Variants in PLCE1 observed in about 807,000 individuals in gnomAD.
PLCE1 encodes the protein phospholipase C epsilon 1.
A neutral mutation model predicts 242.8 loss-of-function variants in PLCE1; 119 were observed. The observed-to-expected ratio is 0.49, with a 90% CI of 0.42 to 0.57. PLCE1 has a LOEUF of 0.57. Ranked by LOEUF, PLCE1 falls within the 20% of genes least tolerant of loss-of-function variation. PLCE1 has a pLI of 0.00. For synonymous variants in PLCE1, 945 were observed against 1,017.4 expected, an observed-to-expected ratio of 0.93 and a Z score of 1.35; for missense variants, 2,441 against 2,788.8, an observed-to-expected ratio of 0.88 and a Z score of 2.81.
chr10:94,227,785 T>C (rs1395864315), intron 5 of PLCE1, among the ~76,000 whole-genome samples: 1 of 152,214 alleles, frequency 6.6e-6, no homozygotes, highest in Non-Finnish European at 1.5e-5. Context: ...CACTGTTATC[T>C]GTCTCTTTTC....
intron 2 of PLCE1, among the ~76,000 whole-genome samples, chr10:94,127,617 T>G (rs959689676): frequency 6.6e-6 from 1 of 152,194 alleles, no homozygotes; most frequent in Non-Finnish European, 1.5e-5. Flanking sequence ...GCGGCCATTT[T>G]TGTAGCCTGC....
chr10:94,273,732 T>C lies in PLCE1; in HGVS notation c.4665+12T>C. The C allele has an allele frequency of 6.2e-7, 1 of 1,612,528 alleles. No homozygotes were observed. On this transcript the variant is annotated intron_variant, in intron 19 of 32. Coordinates refer to ENST00000371380, the MANE Select transcript of PLCE1 (RefSeq NM_016341.4). ...TCTTAAAGCAAAAGGTACTCCCCTC[T>C]GTTAAACCAGTTATGAAAAGGCAGT...
At chr10:94,321,770 C>G in intron 29 of PLCE1, 131 bp from the exon 30 acceptor site, 1 of 670,484 alleles carries the variant, frequency 1.5e-6, no homozygotes, top group Non-Finnish European at 2.6e-6. Flanking sequence ...GAAATAATAA[C>G]ATAGTATATG....
At chr10:94,292,444 G>T (rs1353724183) in intron 22 of PLCE1, among the ~76,000 whole-genome samples, 11 of 152,316 alleles carry the variant, frequency 7.2e-5, no homozygotes, top group Admixed American at 7.2e-4. Flanking sequence ...AAAATCCGAA[G>T]AAATCTGAAA....
rs373215088 is a variant in PLCE1 at position 94,031,710 on chromosome 10, G to C, written c.664G>C (p.Gly222Arg). The C allele has an allele frequency of 8.2e-4, 1,329 of 1,613,804 alleles. 25 individuals are homozygous for C. The South Asian group carries it at 0.014, about 17-fold the overall frequency. The change falls in exon 2 of 33, where the codon GGT becomes CGT. Residue 222 changes from glycine (G) to arginine (R), a missense_variant. Coordinates refer to ENST00000371380, the MANE Select transcript of PLCE1 (RefSeq NM_016341.4). ...TGGAAATTGTGTACCACTACCTGGG[G>C]GTGAGGAGAAGCAAAAGAAAAACTA... ...DCGNCVPLPG[G>R]EEKQKKNYVA...
At chr10:94,241,891 TC>T (rs2050518109) in intron 7 of PLCE1, among the ~76,000 whole-genome samples, 1 of 152,118 alleles carries the variant, frequency 6.6e-6, no homozygotes, top group African/African-American at 2.4e-5. Context: ...GAATTGGTCT[TC>T]CTATATTTAA....
At position 94,314,009 on chromosome 10, in the gene PLCE1, G is replaced by A. The variant is rs570797360; in HGVS notation, c.6132+627G>A. On this transcript the variant is annotated intron_variant, in intron 28 of 32. Transcript: ENST00000371380. ...GAGACCCTGAGACCTGTTACCCCAA[G>A]CCCTGTAGCAGAACTGGCCTAAGTC... Among the ~76,000 whole-genome samples the A allele has an allele frequency of 3.9e-5, 6 of 152,218 alleles. No individual in the cohort carries two copies. The South Asian group carries it at 1.2e-3, about 32-fold the overall frequency.
At chr10:94,229,921 G>A (rs77992765) in intron 5 of PLCE1, among the ~76,000 whole-genome samples, 3,117 of 152,280 alleles carry the variant, frequency 0.02, 108 homozygotes, top group African/African-American at 0.071. Flanking sequence ...TCTGTACACA[G>A]GAGATAAGTG....
intron 4 of PLCE1, among the ~76,000 whole-genome samples, chr10:94,188,998 TAAAAAAAAAAA>T (rs904632569): frequency 3.1e-4 from 23 of 73,824 alleles, no homozygotes; most frequent in Non-Finnish European, 1.8e-4. Flanking sequence ...TAGGAGAAAG[TAAAAAAAAAAA>T]AAAAAAAAAA....
intron 4 of PLCE1, among the ~76,000 whole-genome samples, chr10:94,188,245 A>C (rs1280987068): frequency 6.6e-6 from 1 of 152,238 alleles, no homozygotes. Flanking sequence ...AGAGAATAAA[A>C]AACCTGTATA....
intron 1 of PLCE1, among the ~76,000 whole-genome samples, chr10:94,013,204 G>A (rs1445230703): frequency 6.6e-6 from 1 of 152,160 alleles, no homozygotes; most frequent in Non-Finnish European, 1.5e-5. Flanking sequence ...TCTCTGAGAG[G>A]CCTCACCTTG....
intron 1 of PLCE1, among the ~76,000 whole-genome samples, chr10:94,029,766 G>T (rs2061520383): frequency 6.6e-6 from 1 of 152,126 alleles, no homozygotes; most frequent in Admixed American, 6.5e-5. Flanking sequence ...GGGGAAGAAA[G>T]ACATCTATTT....
Position 94,298,754 on chromosome 10 carries a change from G to T in PLCE1, c.5458+85G>T. 3.6e-6 allele frequency: 5 copies of T among 1,378,056 alleles called. No homozygotes were observed. Among genetic ancestry groups the T allele is most frequent in the Non-Finnish European group, 5.2e-6 (5 of 968,510 alleles). 85.4% of individuals were successfully genotyped at this position (1,378,056 alleles called of 1,614,324 possible). A position where few individuals can be genotyped will look rare whatever the true frequency, so the allele number is the denominator to read the frequency against. On this transcript the variant is annotated intron_variant, in intron 24 of 32. Transcript: ENST00000371380. The surrounding 1 kb of genome is among the most constrained non-coding windows in gnomAD (Gnocchi z 5.2). ...TGACAGCATTTTTTCAAAGGGGCAA[G>T]ATTCCAGACTGGGGCACACCATATG...
intron 2 of PLCE1, chr10:94,089,242 G>A: frequency 6.2e-7 from 1 of 1,614,060 alleles, no homozygotes; most frequent in Non-Finnish European, 8.5e-7. Context: ...CCAGGAGAGG[G>A]AAGCAGGCTG....
chr10:94,072,690 G>A (rs2044395358), intron 2 of PLCE1, among the ~76,000 whole-genome samples: 1 of 152,100 alleles, frequency 6.6e-6, no homozygotes, highest in Non-Finnish European at 1.5e-5. Flanking sequence ...AAATAGACCA[G>A]TTTATTTTCA....
chr10:94,133,930 A>G (rs906570569), intron 3 of PLCE1, among the ~76,000 whole-genome samples: 34 of 152,036 alleles, frequency 2.2e-4, no homozygotes, highest in African/African-American at 8.2e-4. Context: ...TGTGGCACCT[A>G]GAGAGTACCA....
At chr10:94,321,326 A>G (rs2133863412) in intron 29 of PLCE1, among the ~76,000 whole-genome samples, 1 of 152,346 alleles carries the variant, frequency 6.6e-6, no homozygotes, top group South Asian at 2.1e-4. Context: ...CCTACAGTCA[A>G]CTTGGACTCT....
At chr10:94,017,849 A>T (rs560680734) in intron 1 of PLCE1, among the ~76,000 whole-genome samples, 1 of 152,282 alleles carries the variant, frequency 6.6e-6, no homozygotes, top group South Asian at 2.1e-4. Flanking sequence ...ATATGAGGGG[A>T]TCATCAGACA....
chr10:94,210,701 C>G (rs1162404731), intron 4 of PLCE1, among the ~76,000 whole-genome samples: 1 of 152,144 alleles, frequency 6.6e-6, no homozygotes. Flanking sequence ...AGCAGCTGCT[C>G]CCTCCTTTCC....
Sources: gnomAD v4.1 joint callset for allele counts (sites outside exome capture counted in the v4.1 genomes callset) on GRCh38, gnomAD v4.1.1 for gene constraint, Gnocchi (gnomAD v3.1) non-coding constraint, MANE v1.5 for transcripts, NCBI Gene and HGNC (gene_info 2026-07-23, HGNC 2026-07-21) for gene names.